ACSF3: variants seen among roughly 807,000 people sequenced by gnomAD.
ACSF3 encodes the protein acyl-CoA synthetase family member 3.
In ACSF3, 78 loss-of-function variants were observed where a neutral mutation model predicts 53.2. The observed-to-expected ratio is 1.47, with a 90% confidence interval of 1.22 to 1.77. The LOEUF is 1.77. ACSF3 is among the 40% of genes most tolerant of loss of function. The pLI is 0.00. For missense variants in ACSF3, 937 were observed against 771.1 expected (o/e 1.22, Z -2.55); for synonymous variants, 414 against 333.1 (o/e 1.24, Z -2.65).
rs1231799400 is a variant in ACSF3 at position 89,101,267 on chromosome 16, G to A, written c.586G>A (p.Gly196Ser). The change falls in exon 3 of 11, where the codon GGC becomes AGC. Residue 196 changes from glycine (G) to serine (S), a missense_variant. Gly to Ser is a moderately conservative substitution (Grantham distance 56, BLOSUM62 0). Transcript: ENST00000614302. ...CCCAGAGCAGGGATGGAGGAACAAG[G>A]GCGCCATGATCATCTACACCAGTGG... Reference protein sequence around the residue: ...PVPEQGWRNKGAMIIYTSGTT... With the variant: ...PVPEQGWRNKSAMIIYTSGTT... 2 of 1,601,750 alleles carry A rather than the reference G, an allele frequency of 1.2e-6. No individual in the cohort carries two copies. Among genetic ancestry groups the A allele is most frequent in the East Asian group, 4.5e-5 (2 of 44,354 alleles).
At position 89,154,180 on chromosome 16, in the gene ACSF3, G is replaced by T; in HGVS notation, c.1704G>T (p.Ala568=). ...RNQMGKIDKK[A]LIRHFHPS The stretch of plus-strand genomic sequence containing the variant: ...AGATGGGCAAGATTGACAAGAAGGC[G>T]CTCATCAGGCACTTCCACCCCTCAT... Residue 568 remains alanine (A), a synonymous_variant, in exon 11 of 11, where the codon GCG becomes GCT. Transcript: ENST00000614302. 3 of 1,613,534 alleles carry T rather than the reference G, an allele frequency of 1.9e-6. No homozygotes were observed. Among genetic ancestry groups the T allele is most frequent in the Non-Finnish European group, 1.7e-6 (2 of 1,179,866 alleles).
At chr16:89,147,869 T>G (rs192551368) in intron 10 of ACSF3, 2 of 152,304 alleles carry the variant, frequency 1.3e-5, no homozygotes, top group Admixed American at 1.3e-4. Context: ...CAGCATTAAT[T>G]CAGAAGTCCA....
chr16:89,151,416 C>G (rs1914063494), intron 10 of ACSF3: 1 of 334,822 alleles, frequency 3.0e-6, no homozygotes, highest in Non-Finnish European at 5.8e-6. Flanking sequence ...CAGCACTACC[C>G]TGAAATCAAA....
intron 6 of ACSF3, among the ~76,000 whole-genome samples, chr16:89,120,046 C>T (rs997582524): frequency 6.6e-6 from 1 of 152,238 alleles, no homozygotes; most frequent in Admixed American, 6.5e-5. Flanking sequence ...TCGCCAGGGC[C>T]GCACTCCATG....
intron 4 of ACSF3, among the ~76,000 whole-genome samples, chr16:89,106,536 C>T (rs1976008441): frequency 6.6e-6 from 1 of 152,194 alleles, no homozygotes; most frequent in African/African-American, 2.4e-5. Flanking sequence ...TCATGATCCA[C>T]CTGCCTCAGC....
At chr16:89,116,577 C>T (rs552967555) in intron 6 of ACSF3, among the ~76,000 whole-genome samples, 1 of 152,278 alleles carries the variant, frequency 6.6e-6, no homozygotes, top group South Asian at 2.1e-4. Context: ...AATGACAGGG[C>T]CATGGCAGCG....
intron 4 of ACSF3, among the ~76,000 whole-genome samples, chr16:89,110,314 G>T (rs1161600085): frequency 6.6e-6 from 1 of 152,150 alleles, no homozygotes; most frequent in African/African-American, 2.4e-5. Flanking sequence ...CCCACTTTGG[G>T]TTAATTTTGC....
chr16:89,106,871 G>T (rs1012962580), intron 4 of ACSF3, among the ~76,000 whole-genome samples: 2 of 152,230 alleles, frequency 1.3e-5, no homozygotes, highest in Non-Finnish European at 2.9e-5. Flanking sequence ...AGTGCCTGCA[G>T]GTGACGGATG....
chr16:89,100,580 G>A lies in ACSF3; in HGVS notation c.-20-82G>A, dbSNP rs72817434. ...CAGCAGGCGTACCTGGCTGGGTACT[G>A]GGGAGGTGTTTTAAATCCTGTCTTG... On this transcript the variant is annotated intron_variant, in intron 2 of 10. Coordinates refer to ENST00000614302, the MANE Select transcript of ACSF3 (RefSeq NM_001243279.3). 57,868 of 1,350,536 alleles carry A rather than the reference G, an allele frequency of 0.043. 1,609 individuals are homozygous for A. Among genetic ancestry groups the A allele is most frequent in the East Asian group, 0.12 (4,846 of 41,302 alleles). The allele number at this position is 1,350,536 out of a possible 1,614,324, so 83.7% of individuals were successfully genotyped here.
chr16:89,128,777 G>T (rs889714350), intron 7 of ACSF3, among the ~76,000 whole-genome samples: 1 of 152,134 alleles, frequency 6.6e-6, no homozygotes, highest in Non-Finnish European at 1.5e-5. Flanking sequence ...TTGTTAAGTT[G>T]TGTTTTGTGG....
At chr16:89,112,040 C>A in intron 4 of ACSF3, 52 bp from the exon 5 acceptor site, 1 of 1,602,848 alleles carries the variant, frequency 6.2e-7, no homozygotes, top group South Asian at 1.1e-5. Flanking sequence ...GCCTCCGCCA[C>A]GGGCCCCAGT....
chr16:89,145,087 T>C lies in ACSF3; in HGVS notation c.1367-180T>C, dbSNP rs1287282388. 6.5e-6 allele frequency: 10 copies of C among 1,532,526 alleles called. No homozygotes were observed. The Admixed American group carries it at 1.3e-4, about 21-fold the overall frequency. The allele number at this position is 1,532,526 out of a possible 1,614,324, so 94.9% of individuals were successfully genotyped here. Reference sequence around the variant, plus strand: ...GGACGCACGTCGTGACCACCAGGAATGTGGGCTTACCTGGCATAGCTGTTT... The same window carrying C: ...GGACGCACGTCGTGACCACCAGGAACGTGGGCTTACCTGGCATAGCTGTTT... On this transcript the variant is annotated intron_variant, in intron 8 of 10. Transcript: ENST00000614302.
intron 7 of ACSF3, among the ~76,000 whole-genome samples, chr16:89,126,072 C>T (rs1908020672): frequency 6.6e-6 from 1 of 152,252 alleles, no homozygotes; most frequent in Admixed American, 6.5e-5. Flanking sequence ...TCTCCATTTA[C>T]TTAGATCAGT....
rs112567449 is a variant in ACSF3, at chr16:89,150,622, C to T, written c.1614-3468C>T. 2,167 of 244,044 alleles carry T rather than the reference C, an allele frequency of 8.9e-3. 43 individuals are homozygous for T. The highest frequency in any genetic ancestry group is 0.043 in the African/African-American group (1,908 of 44,472). The allele number at this position is 244,044 out of a possible 1,614,324, so 15.1% of individuals were successfully genotyped here. A position where few individuals can be genotyped will look rare whatever the true frequency, so the allele number is the denominator to read the frequency against. The stretch of plus-strand genomic sequence containing the variant: ...CAGTGGCTGTGACAAGACCCTAAGA[C>T]GGGAAGCTGCGTGCAGGGCACTTGA... On this transcript the variant is annotated intron_variant, in intron 10 of 10. Coordinates refer to ENST00000614302, the MANE Select transcript of ACSF3 (RefSeq NM_001243279.3).
At chr16:89,134,849 C>T (rs1401879820) in intron 8 of ACSF3, among the ~76,000 whole-genome samples, 5 of 152,172 alleles carry the variant, frequency 3.3e-5, no homozygotes, top group Non-Finnish European at 5.9e-5. Flanking sequence ...GATTCTTAGT[C>T]GGCCTAGGAA....
At chr16:89,114,509 G>A (rs1904722246) in intron 6 of ACSF3, 22 bp downstream of exon 6, 1 of 1,608,690 alleles carries the variant, frequency 6.2e-7, no homozygotes, top group Admixed American at 1.7e-5. Flanking sequence ...TCCCACAGCT[G>A]CGTTCCTCTT....
chr16:89,149,137 G>C (rs1000147755), intron 10 of ACSF3: 1 of 152,130 alleles, frequency 6.6e-6, no homozygotes, highest in Non-Finnish European at 1.5e-5. Context: ...ATCTCCCTCC[G>C]AGTCTACCTC....
Position 89,146,050 on chromosome 16 carries a change from G to C in ACSF3, c.1613+1G>C. ...ACAGGGAGCTCAAAGAGTGGGCCAG[G>C]TAGGGCTGGGTGGGGCGGGCAGGGA... is the stretch of plus-strand genomic sequence containing the variant. On this transcript the variant is annotated splice_donor_variant, in intron 10 of 10. Coordinates refer to ENST00000614302, the MANE Select transcript of ACSF3 (RefSeq NM_001243279.3). LOFTEE classifies it high-confidence loss of function. 1 of 601,114 alleles carries C rather than the reference G, an allele frequency of 1.7e-6. No individual in the cohort carries two copies. The highest frequency in any genetic ancestry group is 5.4e-5 in the East Asian group (1 of 18,388). 37.2% of individuals were successfully genotyped at this position (601,114 alleles called of 1,614,324 possible).
chr16:89,117,476 C>G (rs1411770182), intron 6 of ACSF3, among the ~76,000 whole-genome samples: 1 of 152,138 alleles, frequency 6.6e-6, no homozygotes, highest in Non-Finnish European at 1.5e-5. Flanking sequence ...GGACCACTGT[C>G]TACACCGAGG....
Sources: allele counts gnomAD v4.1 joint callset (sites outside exome capture counted in the v4.1 genomes callset), GRCh38; gene constraint gnomAD v4.1.1; transcripts MANE v1.5; gene names NCBI Gene and HGNC (gene_info 2026-07-23, HGNC 2026-07-21).